LAMC1: variants seen among roughly 807,000 people sequenced by gnomAD.
The protein encoded by LAMC1 is laminin subunit gamma 1, also known as laminin subunit gamma-1.
Under a neutral mutation model 173.6 loss-of-function variants are expected in LAMC1, and 38 were observed. That is an observed-to-expected ratio of 0.22 (90% confidence interval 0.17 to 0.29). LAMC1 has a LOEUF of 0.29. LAMC1 is among the 10% of genes least tolerant of loss of function. The pLI is 1.00. For missense variants in LAMC1, 1,824 were observed against 2,051.8 expected, an observed-to-expected ratio of 0.89 and a Z score of 2.14; for synonymous variants, 746 against 749.1, an observed-to-expected ratio of 1.00 and a Z score of 0.07.
At chr1:183,075,097 G>T (rs990230047) in intron 1 of LAMC1, among the ~76,000 whole-genome samples, 8 of 150,950 alleles carry the variant, frequency 5.3e-5, no homozygotes, top group Admixed American at 5.3e-4. Flanking sequence ...AAAAGAAAAG[G>T]GTTACCTCAG....
At chr1:183,054,630 C>G (rs555287342) in intron 1 of LAMC1, among the ~76,000 whole-genome samples, 1 of 152,252 alleles carries the variant, frequency 6.6e-6, no homozygotes, top group African/African-American at 2.4e-5. Flanking sequence ...TAACCCACCC[C>G]GTATATTGCA....
chr1:183,094,383 G>A (rs139586893), intron 1 of LAMC1, among the ~76,000 whole-genome samples: 5 of 152,256 alleles, frequency 3.3e-5, no homozygotes, highest in African/African-American at 7.2e-5. Context: ...TTCCCACTTC[G>A]TTTTTCACCG....
chr1:183,027,918 A>G (rs1401421958), intron 1 of LAMC1, among the ~76,000 whole-genome samples: 1 of 152,188 alleles, frequency 6.6e-6, no homozygotes, highest in Non-Finnish European at 1.5e-5. Context: ...CTGAGGGGAC[A>G]CTATTTTAGT....
At chr1:183,061,106 C>T (rs556892599) in intron 1 of LAMC1, among the ~76,000 whole-genome samples, 13 of 152,176 alleles carry the variant, frequency 8.5e-5, no homozygotes, top group Admixed American at 3.9e-4. Context: ...AGGGTGATGT[C>T]GATCAGAAAG....
chr1:183,130,947 G>A (rs1656767345), intron 19 of LAMC1, among the ~76,000 whole-genome samples: 1 of 152,162 alleles, frequency 6.6e-6, no homozygotes, highest in Non-Finnish European at 1.5e-5. Flanking sequence ...GGCCGAGGCG[G>A]GTGGATCACC....
chr1:183,090,588 A>G lies in LAMC1; in HGVS notation c.419-12740A>G, dbSNP rs529240309. Among the ~76,000 whole-genome samples the G allele has an allele frequency of 1.1e-4, 16 of 152,348 alleles. No individual in the cohort carries two copies. The South Asian group carries it at 3.3e-3, about 32-fold the overall frequency. On this transcript the variant is annotated intron_variant, in intron 1 of 27. Transcript: ENST00000258341. The stretch of plus-strand genomic sequence containing the variant: ...TGTAAATTGTCCATCCGCTCAGAAG[A>G]GCAGAAGTACAAGGAGGCCTTGTGC...
chr1:183,090,951 T>G (rs1019954030), intron 1 of LAMC1, among the ~76,000 whole-genome samples: 3 of 152,194 alleles, frequency 2.0e-5, no homozygotes, highest in African/African-American at 4.8e-5. Flanking sequence ...TATTACAGAT[T>G]TCATTTTTTG....
chr1:183,093,247 C>G (rs1364547126), intron 1 of LAMC1, among the ~76,000 whole-genome samples: 2 of 152,156 alleles, frequency 1.3e-5, no homozygotes, highest in Non-Finnish European at 2.9e-5. Flanking sequence ...TCATTCCTGT[C>G]AGTTCTAACA....
chr1:183,100,856 G>A (rs1049618664), intron 1 of LAMC1, among the ~76,000 whole-genome samples: 1 of 152,164 alleles, frequency 6.6e-6, no homozygotes, highest in Admixed American at 6.5e-5. Context: ...CTGTAGATTG[G>A]CATAAGAAAG....
chr1:183,112,610 A>G (rs1656192434), intron 4 of LAMC1, among the ~76,000 whole-genome samples: 2 of 152,124 alleles, frequency 1.3e-5, no homozygotes, highest in East Asian at 1.9e-4. Flanking sequence ...GGAGGGAGCC[A>G]TGGCATTTGC....
At chr1:183,135,404 A>G (rs1558060762) in intron 24 of LAMC1, among the ~76,000 whole-genome samples, 1 of 152,176 alleles carries the variant, frequency 6.6e-6, no homozygotes, top group Non-Finnish European at 1.5e-5. Context: ...TAGAGAACTT[A>G]TATAGGTAAA....
At position 183,136,519 on chromosome 1, in the gene LAMC1, G is replaced by C. The variant is rs367935944; in HGVS notation, c.4248G>C (p.Ala1416=). ...REAQQALGSA[A]ADATEAKNKA... ...CCCAGCAGGCCCTGGGCAGTGCTGC[G>C]GCGGATGCCACAGAGGCCAAGAACA... Residue 1416 remains alanine, a synonymous_variant, in exon 25 of 28, where the codon GCG becomes GCC. Transcript: ENST00000258341. 10 of 1,613,928 alleles carry C rather than the reference G, an allele frequency of 6.2e-6. No homozygotes were observed. The highest frequency in any genetic ancestry group is 1.3e-5 in the African/African-American group (1 of 74,948).
intron 26 of LAMC1, chr1:183,138,181 T>C (rs1047080182): frequency 1.0e-6 from 1 of 956,696 alleles, no homozygotes; most frequent in Non-Finnish European, 1.2e-6. Flanking sequence ...TTATTCTTGT[T>C]CTCCCAGCAC....
At chr1:183,089,994 A>G (rs1344466271) in intron 1 of LAMC1, among the ~76,000 whole-genome samples, 5 of 152,230 alleles carry the variant, frequency 3.3e-5, no homozygotes, top group Admixed American at 3.3e-4. Context: ...TTACCTGGGC[A>G]TGATAAGAAG....
chr1:183,122,391 C>T, intron 13 of LAMC1, 140 bp downstream of exon 13: 1 of 756,002 alleles, frequency 1.3e-6, no homozygotes, highest in Non-Finnish European at 2.2e-6. Flanking sequence ...AGCTGAGGCT[C>T]ACTCTCCTTG....
At position 183,035,174 on chromosome 1, in the gene LAMC1, AT is replaced by A. The variant is rs955976249; in HGVS notation, c.418+11050del. 5.3e-5 allele frequency among the ~76,000 whole-genome samples: 8 copies of A among 150,778 alleles called. No homozygotes were observed. The East Asian group carries it at 7.8e-4, about 15-fold the overall frequency. On this transcript the variant is annotated intron_variant, in intron 1 of 27. Coordinates refer to ENST00000258341, the MANE Select transcript of LAMC1 (RefSeq NM_002293.4). Reference sequence around the variant, plus strand: ...AGGGCTTTACACTTAAGAACAGAGGATTTTTTTTTTAATTAAAAAAATATAT... The same window carrying A: ...AGGGCTTTACACTTAAGAACAGAGGATTTTTTTTTAATTAAAAAAATATAT...
intron 1 of LAMC1, among the ~76,000 whole-genome samples, chr1:183,028,404 C>A (rs1399550629): frequency 6.6e-6 from 1 of 152,098 alleles, no homozygotes; most frequent in Non-Finnish European, 1.5e-5. Context: ...GAAGATTATA[C>A]TTTGTTAGGA....
chr1:183,135,716 T>C (rs1392332432), intron 24 of LAMC1, among the ~76,000 whole-genome samples: 3 of 151,400 alleles, frequency 2.0e-5, no homozygotes, highest in African/African-American at 7.3e-5. Context: ...ACCCCATCTC[T>C]ATAAAAAAAA....
chr1:183,106,318 A>T (rs1030894759), intron 2 of LAMC1, among the ~76,000 whole-genome samples: 13 of 152,276 alleles, frequency 8.5e-5, no homozygotes, highest in Admixed American at 3.9e-4. Context: ...TTTACATTAC[A>T]GATGACTAAA....
Sources: allele counts gnomAD v4.1 joint callset (sites outside exome capture counted in the v4.1 genomes callset), GRCh38; gene constraint gnomAD v4.1.1; transcripts MANE v1.5; gene names NCBI Gene and HGNC (gene_info 2026-07-23, HGNC 2026-07-21).